CFAP20DC: variants seen among roughly 807,000 people sequenced by gnomAD.
The protein encoded by CFAP20DC is protein CFAP20DC.
CFAP20DC carries 84 observed loss-of-function variants against 101.7 expected under a neutral mutation model. The observed-to-expected ratio is 0.83, with a 90% CI of 0.69 to 0.99. The LOEUF (loss-of-function observed/expected upper bound fraction) is 0.99. CFAP20DC is among the 50% of genes least tolerant of loss of function. CFAP20DC has a pLI of 0.00. For synonymous variants in CFAP20DC, 359 were observed against 351.2 expected (o/e 1.02, Z -0.25); for missense variants, 1,007 against 970.3 (o/e 1.04, Z -0.50).
rs1021589443 is a variant in CFAP20DC, at chr3:59,033,305, C to T, written c.278+6252G>A. Among the ~76,000 whole-genome samples, 15 of 152,148 alleles carry T rather than the reference C, an allele frequency of 9.9e-5. No individual in the cohort carries two copies. The South Asian group carries it at 1.5e-3, about 15-fold the overall frequency. ...ATGCCTCTTCTCCTCCAAAGAATCA[C>T]AACTCCTTGCCAGCAAGGGAATAAA... On this transcript the variant is annotated intron_variant, in intron 4 of 16. Transcript: ENST00000482387.
chr3:58,737,870 C>A (rs9850287), downstream of CFAP20DC, among the ~76,000 whole-genome samples: 1 of 151,988 alleles, frequency 6.6e-6, no homozygotes, highest in Non-Finnish European at 1.5e-5. The surrounding 1 kb of genome is among the most constrained non-coding windows in gnomAD (Gnocchi z 4.1). Flanking sequence ...ACCTCTGTTC[C>A]GGGTTTGTGA....
intron 15 of CFAP20DC, among the ~76,000 whole-genome samples, chr3:58,771,427 C>CA (rs1280750997): frequency 6.6e-6 from 1 of 151,654 alleles, no homozygotes; most frequent in Non-Finnish European, 1.5e-5. Context: ...AAGCAAAAAA[C>CA]AAAAACAAAC....
intron 7 of CFAP20DC, among the ~76,000 whole-genome samples, chr3:58,883,710 G>A (rs938418906): frequency 1.3e-5 from 2 of 152,032 alleles, no homozygotes; most frequent in Non-Finnish European, 2.9e-5. Context: ...TCACCTGAAC[G>A]ACATGACTTC....
intron 4 of CFAP20DC, among the ~76,000 whole-genome samples, chr3:58,958,342 T>C (rs982698171): frequency 6.6e-6 from 1 of 152,224 alleles, no homozygotes; most frequent in African/African-American, 2.4e-5. Flanking sequence ...GATTCATTCA[T>C]ATTGCAGAAT....
At chr3:58,745,767 T>G (rs946903273) in intron 16 of CFAP20DC, among the ~76,000 whole-genome samples, 1 of 152,170 alleles carries the variant, frequency 6.6e-6, no homozygotes, top group South Asian at 2.1e-4. Context: ...AAAGGCTTCA[T>G]AGAGGCAGGA....
chr3:58,807,250 G>A (rs1044813519), intron 14 of CFAP20DC, among the ~76,000 whole-genome samples: 1 of 152,306 alleles, frequency 6.6e-6, no homozygotes, highest in Admixed American at 6.5e-5. Context: ...CTGAGAATGG[G>A]CAGACTGCCT....
rs2067473947 is a variant in CFAP20DC, at chr3:58,721,579, A to G, written c.198-3951T>C. On this transcript the variant is annotated intron_variant, in intron 3 of 3. Transcript: ENST00000486145. This position sits in a 1 kb window ranked among gnomAD's most constrained non-coding sequence, Gnocchi z 5.2. ...GTCGTAGCACCCAAGACCCCAGGGTAGGAGAGCCCAGGGGAAAGTAAAAGA... is the reference window on the plus strand; with the variant it reads ...GTCGTAGCACCCAAGACCCCAGGGTGGGAGAGCCCAGGGGAAAGTAAAAGA... 6.6e-6 allele frequency among the ~76,000 whole-genome samples: 1 copy of G among 152,190 alleles called. No homozygotes were observed. Among genetic ancestry groups the G allele is most frequent in the Non-Finnish European group, 1.5e-5 (1 of 68,038 alleles).
intron 15 of CFAP20DC, among the ~76,000 whole-genome samples, chr3:58,755,026 T>C (rs1371423186): frequency 3.9e-5 from 6 of 152,118 alleles, no homozygotes; most frequent in Non-Finnish European, 7.4e-5. Context: ...TAAACCAAGG[T>C]AGAAATGGAC....
At chr3:58,994,070 C>G (rs1272286208) in intron 4 of CFAP20DC, among the ~76,000 whole-genome samples, 4 of 152,196 alleles carry the variant, frequency 2.6e-5, no homozygotes, top group Non-Finnish European at 5.9e-5. Context: ...CAAGGAGACA[C>G]TTTCATCTGC....
chr3:58,743,000 T>C (rs1361642585), intron 16 of CFAP20DC, among the ~76,000 whole-genome samples: 1 of 152,136 alleles, frequency 6.6e-6, no homozygotes, highest in East Asian at 1.9e-4. Flanking sequence ...GAAAACTTGA[T>C]CCGCATTCAA....
intron 13 of CFAP20DC, among the ~76,000 whole-genome samples, chr3:58,843,477 G>T (rs1208308532): frequency 3.3e-5 from 5 of 151,306 alleles, no homozygotes; most frequent in Non-Finnish European, 3.0e-5. Flanking sequence ...AGAATAAAAA[G>T]AAATGAGCAA....
intron 14 of CFAP20DC, among the ~76,000 whole-genome samples, chr3:58,822,172 C>T (rs2075705576): frequency 1.4e-5 from 2 of 143,346 alleles, no homozygotes; most frequent in African/African-American, 2.6e-5. Context: ...GGAAGGATAG[C>T]ATTGGGAGAT....
chr3:58,845,195 A>C (rs2077513863), intron 13 of CFAP20DC, among the ~76,000 whole-genome samples: 3 of 150,878 alleles, frequency 2.0e-5, no homozygotes, highest in African/African-American at 7.3e-5. Context: ...AGACACAAAA[A>C]ACCCTTCAAA....
At chr3:58,814,535 G>C (rs2074956387) in intron 14 of CFAP20DC, among the ~76,000 whole-genome samples, 1 of 150,892 alleles carries the variant, frequency 6.6e-6, no homozygotes, top group Non-Finnish European at 1.5e-5. Context: ...GGAAATAAAG[G>C]GTATTCAATT....
intron 4 of CFAP20DC, among the ~76,000 whole-genome samples, chr3:58,988,251 T>G (rs1175913366): frequency 6.6e-6 from 1 of 152,086 alleles, no homozygotes; most frequent in East Asian, 1.9e-4. Flanking sequence ...TCAACACCCA[T>G]GAATAATAAC....
At chr3:59,019,343 C>T (rs535455914) in intron 4 of CFAP20DC, among the ~76,000 whole-genome samples, 22 of 152,016 alleles carry the variant, frequency 1.4e-4, no homozygotes, top group South Asian at 2.1e-4. Context: ...TTTCCTAGCC[C>T]GCAATGCTGT....
Position 58,850,276 on chromosome 3 carries a change from G to A in CFAP20DC, c.1594-867C>T, listed in dbSNP as rs190225439. ...ATATACTTGTCATGGTAGATTCTTC[G>A]AATTTGACTCATTTATTTAAATATA... On this transcript the variant is annotated intron_variant, in intron 12 of 16. Transcript: ENST00000482387. 3.3e-5 allele frequency among the ~76,000 whole-genome samples: 5 copies of A among 152,058 alleles called. No homozygotes were observed. The East Asian group carries it at 5.8e-4, about 18-fold the overall frequency.
chr3:59,028,426 C>T (rs2093930556), intron 4 of CFAP20DC, among the ~76,000 whole-genome samples: 1 of 152,120 alleles, frequency 6.6e-6, no homozygotes, highest in Non-Finnish European at 1.5e-5. Context: ...CCTTTCCTTC[C>T]TGAAACTCTA....
intron 16 of CFAP20DC, among the ~76,000 whole-genome samples, chr3:58,742,939 T>A (rs1407280258): frequency 6.6e-6 from 1 of 152,182 alleles, no homozygotes; most frequent in African/African-American, 2.4e-5. Context: ...AACTTCTTCA[T>A]GGGCCAGAGC....
Sources: gnomAD v4.1 joint callset for allele counts (sites outside exome capture counted in the v4.1 genomes callset) on GRCh38, gnomAD v4.1.1 for gene constraint, Gnocchi (gnomAD v3.1) non-coding constraint, MANE v1.5 for transcripts, NCBI Gene and HGNC (gene_info 2026-07-23, HGNC 2026-07-21) for gene names.